FBXW11: variants seen among roughly 807,000 people sequenced by gnomAD.
The protein encoded by FBXW11 is F-box and WD repeat domain containing 11.
In FBXW11, 19 loss-of-function variants were observed where a neutral mutation model predicts 77.6. The ratio of observed to expected loss-of-function variants is 0.24; its 90% CI spans 0.17 to 0.36. The LOEUF is 0.36. Ranked by LOEUF, FBXW11 falls within the 10% of genes least tolerant of loss-of-function variation. The pLI, the probability that FBXW11 is intolerant of heterozygous loss-of-function variation, is 1.00. For missense variants in FBXW11, 334 were observed against 704.2 expected (o/e 0.47, Z 5.95); for synonymous variants, 235 against 249.4 (o/e 0.94, Z 0.54).
chr5:171,927,998 G>A (rs552274105), intron 2 of FBXW11, among the ~76,000 whole-genome samples: 42 of 152,288 alleles, frequency 2.8e-4, no homozygotes, highest in African/African-American at 9.4e-4. Flanking sequence ...GCAAGGTTGA[G>A]CACTTCCATC....
chr5:171,926,213 C>G (rs1761880644), intron 2 of FBXW11, among the ~76,000 whole-genome samples: 1 of 152,152 alleles, frequency 6.6e-6, no homozygotes, highest in African/African-American at 2.4e-5. Context: ...ATGCTGTGGT[C>G]TAGGGAAACA....
intron 1 of FBXW11, among the ~76,000 whole-genome samples, chr5:171,976,682 C>T (rs904556962): frequency 6.6e-6 from 1 of 152,100 alleles, no homozygotes; most frequent in East Asian, 1.9e-4. Context: ...TGGGATAATG[C>T]AGCAAGAAGG....
intron 10 of FBXW11, 41 bp from the exon 11 acceptor site, chr5:171,870,899 C>T (rs773718830): frequency 8.3e-5 from 115 of 1,380,270 alleles, no homozygotes; most frequent in Non-Finnish European, 1.0e-4. Flanking sequence ...AATTCCCACA[C>T]ACGATTCACA....
At chr5:171,882,897 T>G (rs1222938855) in intron 7 of FBXW11, among the ~76,000 whole-genome samples, 1 of 152,148 alleles carries the variant, frequency 6.6e-6, no homozygotes, top group Non-Finnish European at 1.5e-5. Context: ...CCAAGCAGTA[T>G]ATACTGCACC....
At chr5:171,875,820 A>T (rs537951541) in intron 9 of FBXW11, among the ~76,000 whole-genome samples, 1 of 152,164 alleles carries the variant, frequency 6.6e-6, no homozygotes, top group Non-Finnish European at 1.5e-5. Flanking sequence ...TCCGGCCCAG[A>T]GTCCACCGCA....
intron 1 of FBXW11, among the ~76,000 whole-genome samples, chr5:171,965,532 AT>A (rs753254629): frequency 0.034 from 5,117 of 148,480 alleles, 240 homozygotes; most frequent in African/African-American, 0.097. Context: ...GTCTTTAAAA[AT>A]AAAAAAAAAA....
chr5:171,935,098 C>T (rs541356623), intron 2 of FBXW11, among the ~76,000 whole-genome samples: 16 of 152,276 alleles, frequency 1.1e-4, no homozygotes, highest in African/African-American at 3.8e-4. Context: ...GGACTACAGG[C>T]GCCTGCCACC....
In FBXW11 at chr5:171,869,377, T is replaced by G. The variant is rs1172591428; in HGVS notation, c.1530+352A>C. ...TATAAATGGTATAAAAATTTATATATAGTATAAAAATGTGCTGTTATTAAA... is the reference window on the plus strand; with the variant it reads ...TATAAATGGTATAAAAATTTATATAGAGTATAAAAATGTGCTGTTATTAAA... On this transcript the variant is annotated intron_variant, in intron 12 of 13. Transcript: ENST00000517395. This position sits in a 1 kb window ranked among gnomAD's most constrained non-coding sequence, Gnocchi z 4.1. Among the ~76,000 whole-genome samples, 1 of 152,168 alleles carries G rather than the reference T, an allele frequency of 6.6e-6. No individual in the cohort carries two copies. Among genetic ancestry groups the G allele is most frequent in the Non-Finnish European group, 1.5e-5 (1 of 68,030 alleles).
intron 7 of FBXW11, among the ~76,000 whole-genome samples, chr5:171,883,447 C>A (rs1758659027): frequency 6.6e-6 from 1 of 152,128 alleles, no homozygotes; most frequent in Admixed American, 6.5e-5. Flanking sequence ...TTAATGGGTG[C>A]AGCACACCAA....
chr5:171,898,855 TACA>T (rs1441391947), intron 6 of FBXW11, 146 bp downstream of exon 6: 13 of 466,192 alleles, frequency 2.8e-5, no homozygotes, highest in African/African-American at 2.6e-4. Flanking sequence ...GCAGATTATA[TACA>T]ACATGACACA....
rs1188991639 is a variant in FBXW11 at position 171,868,803 on chromosome 5, A to C, written c.1531-7T>G. 6.2e-7 allele frequency: 1 copy of C among 1,607,932 alleles called. No individual in the cohort carries two copies. Among genetic ancestry groups the C allele is most frequent in the Admixed American group, 1.7e-5 (1 of 58,332 alleles). On this transcript the variant is annotated splice_region_variant and splice_polypyrimidine_tract_variant and intron_variant, in intron 12 of 13. Transcript: ENST00000517395. ...ACACACGTCCAGAATGTTCCTATGA[A>C]ATACAAAACTTCATGAATAAAATGA...
chr5:171,870,397 AC>A (rs1757684511), intron 11 of FBXW11, among the ~76,000 whole-genome samples: 4 of 152,288 alleles, frequency 2.6e-5, no homozygotes, highest in South Asian at 4.1e-4. Flanking sequence ...GAACACACAC[AC>A]ACACACACAC....
At chr5:171,900,634 C>T (rs540609938) in intron 4 of FBXW11, among the ~76,000 whole-genome samples, 1 of 152,158 alleles carries the variant, frequency 6.6e-6, no homozygotes, top group African/African-American at 2.4e-5. Flanking sequence ...AGGCAAAACA[C>T]CGACTCATCT....
intron 2 of FBXW11, among the ~76,000 whole-genome samples, chr5:171,936,464 C>T (rs978633322): frequency 2.7e-5 from 4 of 148,564 alleles, no homozygotes; most frequent in African/African-American, 1.0e-4. Context: ...CTACTGCACT[C>T]CAGCCTGGGC....
At chr5:171,922,737 A>G (rs1761663329) in intron 2 of FBXW11, among the ~76,000 whole-genome samples, 1 of 152,218 alleles carries the variant, frequency 6.6e-6, no homozygotes, top group Non-Finnish European at 1.5e-5. Context: ...GATTATTATA[A>G]TACAGTAAGT....
At chr5:171,865,673 T>C (rs890778072) in intron 13 of FBXW11, among the ~76,000 whole-genome samples, 2 of 152,236 alleles carry the variant, frequency 1.3e-5, no homozygotes, top group African/African-American at 4.8e-5. Flanking sequence ...TTGGCTTATC[T>C]ACTTTTTCAA....
At chr5:171,908,032 T>C (rs1375830417) in intron 4 of FBXW11, among the ~76,000 whole-genome samples, 1 of 152,138 alleles carries the variant, frequency 6.6e-6, no homozygotes, top group Non-Finnish European at 1.5e-5. Context: ...ATAAATTGAA[T>C]TGCTTGAGAA....
At chr5:171,976,184 GAC>G (rs1764820012) in intron 1 of FBXW11, among the ~76,000 whole-genome samples, 1 of 152,134 alleles carries the variant, frequency 6.6e-6, no homozygotes, top group Admixed American at 6.5e-5. Flanking sequence ...ACAAGTCAAC[GAC>G]AGTTTTAAAA....
rs753613670 is a variant in FBXW11, at chr5:171,872,914, C to T, written c.1298G>A (p.Arg433Lys). The T allele has an allele frequency of 1.2e-6, 2 of 1,614,146 alleles. No homozygotes were observed. Among genetic ancestry groups the T allele is most frequent in the Admixed American group, 1.7e-5 (1 of 60,006 alleles). ...HKRGIACLQY[R>K]DRLVVSGSSD... ...TGATCCACTAACAACCAGGCGATCC[C>T]TGTACTGGAGACAGGCAATGCCCCG... Residue 433 changes from arginine (R) to lysine (K), a missense_variant, in exon 10 of 14, where the codon AGG becomes AAG. Transcript: ENST00000517395.
Sources: gnomAD v4.1 joint callset for allele counts (sites outside exome capture counted in the v4.1 genomes callset) on GRCh38, gnomAD v4.1.1 for gene constraint, Gnocchi (gnomAD v3.1) non-coding constraint, MANE v1.5 for transcripts, NCBI Gene and HGNC (gene_info 2026-07-23, HGNC 2026-07-21) for gene names.